Variants in RUFY3 observed in about 807,000 individuals in gnomAD.
RUFY3 encodes protein RUFY3.
A neutral mutation model predicts 84.0 loss-of-function variants in RUFY3; 34 were observed. The ratio of observed to expected loss-of-function variants is 0.40; its 90% CI spans 0.31 to 0.54. The LOEUF (loss-of-function observed/expected upper bound fraction) is 0.54. Ranked by LOEUF, RUFY3 falls within the 20% of genes least tolerant of loss-of-function variation. The probability of loss-of-function intolerance (pLI) is 0.39; values close to 1 mark genes in which losing one functional copy is unlikely to be tolerated. For missense variants in RUFY3, 507 were observed against 736.8 expected (o/e 0.69, Z 3.61); for synonymous variants, 242 against 252.9 (o/e 0.96, Z 0.41).
intron 1 of RUFY3, among the ~76,000 whole-genome samples, chr4:70,748,347 C>T (rs941320446): frequency 1.3e-5 from 2 of 152,134 alleles, no homozygotes; most frequent in Admixed American, 1.3e-4. Context: ...CTTGGAATAC[C>T]GTCCTTCATG....
At chr4:70,793,559 C>A in intron 12 of RUFY3, 1 of 1,401,836 alleles carries the variant, frequency 7.1e-7, no homozygotes, top group Non-Finnish European at 9.3e-7. Context: ...GGAAAATCAG[C>A]TTTTCCTCTG....
Position 70,753,244 on chromosome 4 carries a change from T to C in RUFY3, c.179-9275T>C, listed in dbSNP as rs79293384. On this transcript the variant is annotated intron_variant, in intron 1 of 17. Coordinates refer to ENST00000381006, the MANE Select transcript of RUFY3 (RefSeq NM_001037442.4). ...GTAATGTCAATACTACTGTCCCCTC[T>C]TTCATTCCCGATTTTAGTAATTTGA... Among the ~76,000 whole-genome samples the C allele has an allele frequency of 3.2e-3, 488 of 152,326 alleles. 1 individual carries two copies. The highest frequency in any genetic ancestry group is 0.011 in the African/African-American group (471 of 41,574).
chr4:70,737,982 C>CTTTTTTTTT (rs747096904), intron 1 of RUFY3, among the ~76,000 whole-genome samples: 1 of 121,272 alleles, frequency 8.2e-6, no homozygotes. Flanking sequence ...CTATTAATTC[C>CTTTTTTTTT]TTTTTTTTTT....
In RUFY3 at chr4:70,777,826, C is replaced by G. The variant is rs373748992; in HGVS notation, c.825-543C>G. Among the ~76,000 whole-genome samples, 12 of 152,144 alleles carry G rather than the reference C, an allele frequency of 7.9e-5. No homozygotes were observed. The East Asian group carries it at 2.1e-3, about 27-fold the overall frequency. Reference sequence around the variant, plus strand: ...ACTGTTATTATCATATGTAGATAAACAAAGTTTATTCTGTAGGGAATGAAC... The same window carrying G: ...ACTGTTATTATCATATGTAGATAAAGAAAGTTTATTCTGTAGGGAATGAAC... On this transcript the variant is annotated intron_variant, in intron 7 of 17. Transcript: ENST00000381006.
At chr4:70,757,326 C>T (rs1020159929) in intron 1 of RUFY3, among the ~76,000 whole-genome samples, 2 of 151,508 alleles carry the variant, frequency 1.3e-5, no homozygotes, top group East Asian at 1.9e-4. Context: ...TGTTCTGGGC[C>T]GGGCGCGGTG....
intron 1 of RUFY3, among the ~76,000 whole-genome samples, chr4:70,760,770 T>G (rs111489907): frequency 6.6e-6 from 1 of 152,184 alleles, no homozygotes; most frequent in Admixed American, 6.5e-5. Flanking sequence ...CCTAAAACAT[T>G]TGTTGTTATG....
intron 12 of RUFY3, chr4:70,792,463 C>T: frequency 1.0e-6 from 1 of 985,268 alleles, no homozygotes; most frequent in South Asian, 4.7e-5. Context: ...CACAGACTAA[C>T]CCTTTCTAGG....
chr4:70,739,205 G>A (rs1175970529), intron 1 of RUFY3, among the ~76,000 whole-genome samples: 1 of 151,716 alleles, frequency 6.6e-6, no homozygotes, highest in Admixed American at 6.6e-5. Context: ...TTGTTACCAA[G>A]CTAATAATAC....
At chr4:70,793,165 A>C (rs1456795887) in intron 12 of RUFY3, 8 of 985,878 alleles carry the variant, frequency 8.1e-6, no homozygotes, top group Non-Finnish European at 9.6e-6. Context: ...TTCTTTGTCC[A>C]CTTAGTCACA....
At chr4:70,748,953 A>G (rs1362194236) in intron 1 of RUFY3, among the ~76,000 whole-genome samples, 4 of 152,184 alleles carry the variant, frequency 2.6e-5, no homozygotes, top group Non-Finnish European at 5.9e-5. Flanking sequence ...GATGAAACAG[A>G]AGAATGAGGA....
At chr4:70,783,506 G>A (rs1729279943) in intron 9 of RUFY3, among the ~76,000 whole-genome samples, 1 of 152,328 alleles carries the variant, frequency 6.6e-6, no homozygotes, top group Non-Finnish European at 1.5e-5. Flanking sequence ...TTTATAGCAT[G>A]TTACTGTTTT....
chr4:70,779,584 C>CTT (rs779419538), intron 8 of RUFY3, among the ~76,000 whole-genome samples: 10 of 130,492 alleles, frequency 7.7e-5, no homozygotes, highest in Admixed American at 7.7e-5. Flanking sequence ...ATTTCTTTTT[C>CTT]TTTTTTTTTT....
chr4:70,747,932 A>G (rs1211023687), intron 1 of RUFY3, among the ~76,000 whole-genome samples: 1 of 152,172 alleles, frequency 6.6e-6, no homozygotes, highest in East Asian at 1.9e-4. Context: ...TTATCTCCAT[A>G]ACAGTTACTC....
At chr4:70,764,305 C>T (rs1449884479) in intron 3 of RUFY3, among the ~76,000 whole-genome samples, 170 bp from the exon 4 acceptor site, 1 of 152,158 alleles carries the variant, frequency 6.6e-6, no homozygotes, top group African/African-American at 2.4e-5. Flanking sequence ...TCACATTAGC[C>T]CACACACAAA....
At chr4:70,777,915 T>C (rs1473618942) in intron 7 of RUFY3, among the ~76,000 whole-genome samples, 1 of 152,144 alleles carries the variant, frequency 6.6e-6, no homozygotes, top group Non-Finnish European at 1.5e-5. Flanking sequence ...TAATAGCCTT[T>C]TGTAAGCCTA....
chr4:70,774,671 A>ATAT (rs1727622586), intron 6 of RUFY3, among the ~76,000 whole-genome samples: 1 of 131,812 alleles, frequency 7.6e-6, no homozygotes, highest in African/African-American at 3.0e-5. Flanking sequence ...ATATATATAT[A>ATAT]AAATAAACAT....
intron 5 of RUFY3, among the ~76,000 whole-genome samples, chr4:70,768,877 T>C (rs765035800): frequency 6.6e-6 from 1 of 152,222 alleles, no homozygotes; most frequent in East Asian, 1.9e-4. Context: ...TTGTCTTGGC[T>C]GTACTCTCTG....
At position 70,793,911 on chromosome 4, in the gene RUFY3, AGGG is replaced by A. The variant is rs1294519749; in HGVS notation, c.1457+10_1457+12del. 1 of 1,613,478 alleles carries A rather than the reference AGGG, an allele frequency of 6.2e-7. No individual in the cohort carries two copies. Among genetic ancestry groups the A allele is most frequent in the Non-Finnish European group, 8.5e-7 (1 of 1,179,826 alleles). ...AGGAGCTCACCAGGCAGCGGTGAAG[AGGG>A]GGTAGCTTGAGCTGACAGGGTGGTC... On this transcript the variant is annotated splice_region_variant and intron_variant, in intron 13 of 17. Coordinates refer to ENST00000381006, the MANE Select transcript of RUFY3 (RefSeq NM_001037442.4).
intron 5 of RUFY3, 148 bp from the exon 6 acceptor site, chr4:70,773,363 C>T: frequency 6.8e-6 from 4 of 584,780 alleles, no homozygotes; most frequent in Non-Finnish European, 1.2e-5. Context: ...CTTGATTAAA[C>T]TGAAAGTAAA....
Sources: allele counts gnomAD v4.1 joint callset (sites outside exome capture counted in the v4.1 genomes callset), GRCh38; gene constraint gnomAD v4.1.1; transcripts MANE v1.5; gene names NCBI Gene and HGNC (gene_info 2026-07-23, HGNC 2026-07-21).